GRID2: variants seen among roughly 807,000 people sequenced by gnomAD.
The protein encoded by GRID2 is glutamate ionotropic receptor delta type subunit 2, also known as glutamate receptor ionotropic, delta-2.
In GRID2, 33 loss-of-function variants were observed where a neutral mutation model predicts 114.8. That is an observed-to-expected ratio of 0.29 (90% CI 0.22 to 0.38). GRID2 has a LOEUF of 0.38. GRID2 is among the 10% of genes least tolerant of loss of function. The pLI, the probability that GRID2 is intolerant of heterozygous loss-of-function variation, is 1.00. For missense variants in GRID2, 1,184 were observed against 1,257.7 expected (o/e 0.94, Z 0.89); for synonymous variants, 505 against 449.9 (o/e 1.12, Z -1.55).
intron 2 of GRID2, among the ~76,000 whole-genome samples, chr4:92,794,905 T>TATATATATACACACACAC (rs745392261): frequency 1.3e-4 from 17 of 127,804 alleles, no homozygotes; most frequent in South Asian, 1.2e-3. Context: ...TATATATATA[T>TATATATATACACACACAC]ACACACACAC....
intron 1 of GRID2, among the ~76,000 whole-genome samples, chr4:92,404,335 A>T (rs903233472): frequency 1.3e-5 from 2 of 152,212 alleles, no homozygotes; most frequent in Non-Finnish European, 2.9e-5. Context: ...CCACAATGAG[A>T]TAACACCTCA....
At chr4:92,479,878 T>C (rs946789914) in intron 1 of GRID2, among the ~76,000 whole-genome samples, 1 of 152,132 alleles carries the variant, frequency 6.6e-6, no homozygotes, top group Admixed American at 6.6e-5. Flanking sequence ...GGAGACATAA[T>C]GTTGGAGTGA....
intron 1 of GRID2, among the ~76,000 whole-genome samples, chr4:93,781,634 TATATGCATATAAC>T (rs1734481036): frequency 6.6e-6 from 1 of 152,192 alleles, no homozygotes; most frequent in South Asian, 2.1e-4. Flanking sequence ...TTGTCTATAA[TATATGCATATAAC>T]ATATGCAAAT....
chr4:92,999,015 T>A (rs1302816519), intron 2 of GRID2, among the ~76,000 whole-genome samples: 1 of 151,882 alleles, frequency 6.6e-6, no homozygotes, highest in Non-Finnish European at 1.5e-5. Flanking sequence ...TTTGTGACAA[T>A]ATTCTTGGCT....
chr4:92,895,535 C>T (rs1354334440), intron 2 of GRID2, among the ~76,000 whole-genome samples: 2 of 151,248 alleles, frequency 1.3e-5, no homozygotes, highest in African/African-American at 4.9e-5. Flanking sequence ...TCAGGTAGAC[C>T]GAATTGGGAT....
chr4:92,571,251 A>G (rs1727602008), intron 1 of GRID2, among the ~76,000 whole-genome samples: 1 of 151,974 alleles, frequency 6.6e-6, no homozygotes, highest in African/African-American at 2.4e-5. Context: ...AATCACATGT[A>G]TTGATTTGCC....
At chr4:93,736,940 G>A (rs970502641) in intron 14 of GRID2, among the ~76,000 whole-genome samples, 1 of 151,322 alleles carries the variant, frequency 6.6e-6, no homozygotes, top group Non-Finnish European at 1.5e-5. Context: ...GGACTTGAAA[G>A]GGTCTCCAGA....
intron 1 of GRID2, among the ~76,000 whole-genome samples, chr4:92,524,138 T>A (rs1034266978): frequency 6.6e-6 from 1 of 152,020 alleles, no homozygotes; most frequent in Non-Finnish European, 1.5e-5. Context: ...CCCTAAGAGT[T>A]GTCTTTATTG....
chr4:92,551,030 T>C (rs527895735), intron 1 of GRID2, among the ~76,000 whole-genome samples: 11 of 152,262 alleles, frequency 7.2e-5, no homozygotes, highest in Non-Finnish European at 1.5e-4. Flanking sequence ...TAAATGGGGA[T>C]CACTAAAAGT....
intron 8 of GRID2, among the ~76,000 whole-genome samples, chr4:93,389,505 C>G (rs1444133377): frequency 2.0e-5 from 3 of 152,084 alleles, no homozygotes; most frequent in Admixed American, 2.0e-4. Flanking sequence ...ATAAAGAGGA[C>G]AGCAGGAGTT....
chr4:93,203,841 A>C (rs1055681387), intron 4 of GRID2: 3 of 152,144 alleles, frequency 2.0e-5, no homozygotes, highest in African/African-American at 7.2e-5. Flanking sequence ...AATCCTACTA[A>C]GCTGGAATGG....
At chr4:92,929,017 T>C (rs1231978829) in intron 2 of GRID2, among the ~76,000 whole-genome samples, 2 of 151,438 alleles carry the variant, frequency 1.3e-5, no homozygotes, top group Non-Finnish European at 3.0e-5. Context: ...TTCAACATAT[T>C]CATTTTGCTT....
intron 2 of GRID2, among the ~76,000 whole-genome samples, chr4:92,870,494 A>G (rs1745198404): frequency 6.6e-6 from 1 of 152,162 alleles, no homozygotes; most frequent in African/African-American, 2.4e-5. Flanking sequence ...AGTGTATCAC[A>G]TTGATCACTC....
intron 14 of GRID2, among the ~76,000 whole-genome samples, chr4:93,694,338 T>A (rs1366339098): frequency 1.3e-5 from 2 of 152,180 alleles, no homozygotes; most frequent in African/African-American, 4.8e-5. Flanking sequence ...TACTTTGTTA[T>A]TATCAAGGTC....
chr4:92,327,989 T>A (rs1249928585), intron 1 of GRID2, among the ~76,000 whole-genome samples: 1 of 152,048 alleles, frequency 6.6e-6, no homozygotes, highest in Non-Finnish European at 1.5e-5. Flanking sequence ...CATAAAAGAT[T>A]ATTTTTACCA....
intron 2 of GRID2, among the ~76,000 whole-genome samples, chr4:92,637,035 A>G (rs1731097257): frequency 1.3e-5 from 2 of 151,914 alleles, no homozygotes; most frequent in African/African-American, 2.4e-5. Context: ...ATTACATTAT[A>G]TTTATTCAAA....
intron 1 of GRID2, among the ~76,000 whole-genome samples, chr4:92,448,165 AT>A (rs1385881889): frequency 1.3e-5 from 2 of 151,608 alleles, no homozygotes. Flanking sequence ...GTATGTATGT[AT>A]GTATGTATGT....
At chr4:93,438,313 T>A (rs1258372416) in intron 10 of GRID2, among the ~76,000 whole-genome samples, 1 of 152,144 alleles carries the variant, frequency 6.6e-6, no homozygotes, top group African/African-American at 2.4e-5. Context: ...AATGGCAGCT[T>A]CTGCCTGGGG....
At chr4:92,967,421 C>G (rs1641213106) in intron 2 of GRID2, among the ~76,000 whole-genome samples, 1 of 151,820 alleles carries the variant, frequency 6.6e-6, no homozygotes, top group Non-Finnish European at 1.5e-5. Flanking sequence ...TGTATTTAGT[C>G]TATAGGAAAA....
Sources: gnomAD v4.1 joint callset for allele counts (sites outside exome capture counted in the v4.1 genomes callset) on GRCh38, gnomAD v4.1.1 for gene constraint, MANE v1.5 for transcripts, NCBI Gene and HGNC (gene_info 2026-07-23, HGNC 2026-07-21) for gene names.